The following AP4S1 variants were observed in gnomAD, a reference collection of about 807,000 sequenced individuals.
The protein encoded by AP4S1 is AP-4 complex subunit sigma-1.
AP4S1 carries 23 observed loss-of-function variants against 19.8 expected under a neutral mutation model. That is an observed-to-expected ratio of 1.16 (90% CI 0.84 to 1.65). The LOEUF (loss-of-function observed/expected upper bound fraction) is 1.65, where lower values mean the gene tolerates loss of function less well. AP4S1 is among the 40% of genes most tolerant of loss of function. The pLI is 0.00. For synonymous variants in AP4S1, 46 were observed against 54.1 expected (o/e 0.85, Z 0.66); for missense variants, 166 against 172.8 (o/e 0.96, Z 0.22).
intron 1 of AP4S1, among the ~76,000 whole-genome samples, chr14:31,037,764 C>T (rs1436668455): frequency 6.6e-6 from 1 of 152,078 alleles, no homozygotes; most frequent in Non-Finnish European, 1.5e-5. Context: ...GCCTGGGCAA[C>T]ACAGTGAGAC....
chr14:31,047,684 C>G (rs565758317), intron 1 of AP4S1, among the ~76,000 whole-genome samples: 7 of 152,056 alleles, frequency 4.6e-5, no homozygotes, highest in Admixed American at 3.9e-4. Context: ...CGTGAGCCAC[C>G]GTGCCCAGCC....
chr14:31,052,587 G>C (rs941270664), intron 1 of AP4S1, among the ~76,000 whole-genome samples: 2 of 151,880 alleles, frequency 1.3e-5, no homozygotes, highest in Non-Finnish European at 2.9e-5. Context: ...AATTAGGCAG[G>C]CATGGTGGTG....
At chr14:31,034,123 A>G (rs914723951) in intron 1 of AP4S1, among the ~76,000 whole-genome samples, 2 of 152,246 alleles carry the variant, frequency 1.3e-5, no homozygotes, top group African/African-American at 2.4e-5. Flanking sequence ...TCATTGAAGC[A>G]GCAGGGTGAG....
chr14:31,081,846 G>A (rs1413637775), intron 5 of AP4S1, among the ~76,000 whole-genome samples: 2 of 151,706 alleles, frequency 1.3e-5, no homozygotes, highest in African/African-American at 4.8e-5. Flanking sequence ...AGTGTCTGAT[G>A]TGTATATATA....
chr14:31,025,954 G>A (rs756001071), intron 1 of AP4S1, 167 bp downstream of exon 1: 4 of 1,594,490 alleles, frequency 2.5e-6, no homozygotes, highest in Non-Finnish European at 3.4e-6. Context: ...ATCTCGAACC[G>A]AGCCCACTCG....
At chr14:31,077,200 G>T (rs1255513488) in intron 4 of AP4S1, among the ~76,000 whole-genome samples, 1 of 152,156 alleles carries the variant, frequency 6.6e-6, no homozygotes, top group East Asian at 1.9e-4. Context: ...GCCTCCCAAA[G>T]TGCTGGGATT....
intron 4 of AP4S1, among the ~76,000 whole-genome samples, chr14:31,074,930 A>C (rs1887275555): frequency 6.6e-6 from 1 of 151,980 alleles, no homozygotes; most frequent in South Asian, 2.1e-4. Flanking sequence ...ATATTTTCAG[A>C]ATACTTGTGA....
intron 1 of AP4S1, among the ~76,000 whole-genome samples, chr14:31,056,086 C>G (rs1886097512): frequency 6.6e-6 from 1 of 152,154 alleles, no homozygotes; most frequent in South Asian, 2.1e-4. Context: ...CTCAAGTGAT[C>G]TGCCCGCCTC....
At chr14:31,035,251 G>A (rs1454110760) in intron 1 of AP4S1, among the ~76,000 whole-genome samples, 1 of 133,710 alleles carries the variant, frequency 7.5e-6, no homozygotes, top group South Asian at 2.4e-4. Context: ...CTGGAGTGCA[G>A]TGGTGCGATC....
intron 1 of AP4S1, among the ~76,000 whole-genome samples, chr14:31,065,060 T>C (rs1886641648): frequency 6.6e-6 from 1 of 152,186 alleles, no homozygotes; most frequent in South Asian, 2.1e-4. Flanking sequence ...ATTTGATAAA[T>C]TGATATCACT....
chr14:31,073,070 A>G, intron 4 of AP4S1, 97 bp downstream of exon 4: 1 of 1,023,976 alleles, frequency 9.8e-7, no homozygotes, highest in South Asian at 1.3e-5. Context: ...GTTAATACAG[A>G]GTTTTAATAA....
chr14:31,041,075 C>A (rs375300293), intron 1 of AP4S1, among the ~76,000 whole-genome samples: 363 of 125,898 alleles, frequency 2.9e-3, no homozygotes, highest in Admixed American at 3.2e-3. Flanking sequence ...GACTCCATCT[C>A]AAAAAAAAAA....
intron 5 of AP4S1, among the ~76,000 whole-genome samples, chr14:31,088,200 T>G (rs1887974498): frequency 6.6e-6 from 1 of 152,152 alleles, no homozygotes; most frequent in Non-Finnish European, 1.5e-5. Context: ...CTTGACCACT[T>G]TCCTGTTTCC....
At chr14:31,071,554 A>G (rs8014110) in intron 3 of AP4S1, among the ~76,000 whole-genome samples, 136,790 of 151,998 alleles carry the variant, frequency 0.9, 61,674 homozygotes, top group South Asian at 0.93. Context: ...CTGAGTAGCT[A>G]GGACTACAGG....
At chr14:31,039,924 A>G (rs983271064) in intron 1 of AP4S1, among the ~76,000 whole-genome samples, 5 of 152,066 alleles carry the variant, frequency 3.3e-5, no homozygotes, top group African/African-American at 1.2e-4. Flanking sequence ...TTTCTTGTAT[A>G]TTTTTAGGGG....
At chr14:31,051,683 C>T (rs1379702953) in intron 1 of AP4S1, among the ~76,000 whole-genome samples, 1 of 152,094 alleles carries the variant, frequency 6.6e-6, no homozygotes, top group African/African-American at 2.4e-5. Context: ...ATTTATGAGA[C>T]AGAGTCTTGC....
intron 5 of AP4S1, chr14:31,084,677 A>G: frequency 6.3e-7 from 1 of 1,583,658 alleles, no homozygotes; most frequent in Non-Finnish European, 8.6e-7. Flanking sequence ...AGATTTGTGA[A>G]GCCTGTTTCT....
chr14:31,054,885 A>C (rs1467677499), intron 1 of AP4S1, among the ~76,000 whole-genome samples: 2 of 148,278 alleles, frequency 1.3e-5, no homozygotes, highest in Admixed American at 6.8e-5. Flanking sequence ...AAAAAAAAAA[A>C]AAAAAAAAAA....
chr14:31,032,067 G>A (rs1884422686), intron 1 of AP4S1, among the ~76,000 whole-genome samples: 1 of 127,366 alleles, frequency 7.9e-6, no homozygotes, highest in Non-Finnish European at 1.6e-5. Context: ...GTGAGACCTT[G>A]TCCCAAAAAA....
Sources: gnomAD v4.1 joint callset for allele counts (sites outside exome capture counted in the v4.1 genomes callset) on GRCh38, gnomAD v4.1.1 for gene constraint, MANE v1.5 for transcripts, NCBI Gene and HGNC (gene_info 2026-07-23, HGNC 2026-07-21) for gene names.